Variants in UNC79 observed in about 807,000 individuals in gnomAD.
The protein encoded by UNC79 is protein unc-79 homolog.
In UNC79, 37 loss-of-function variants were observed where a neutral mutation model predicts 283.1. The ratio of observed to expected loss-of-function variants is 0.13; its 90% CI spans 0.10 to 0.17. The LOEUF is 0.17. Among genes scored for constraint, UNC79 ranks in the 10% least tolerant of loss-of-function variants. The pLI is 1.00. For synonymous variants in UNC79, 1,107 were observed against 1,200.2 expected, an observed-to-expected ratio of 0.92 and a Z score of 1.61; for missense variants, 2,272 against 3,211.1, an observed-to-expected ratio of 0.71 and a Z score of 7.07.
rs376318787 is a variant in UNC79, at chr14:93,586,952, C to T, written c.3032+44C>T. ...TTGTTTTGATTGTTTATACATTAGG[C>T]TTTAGTTGTGAAAATTAAAGTTAGA... On this transcript the variant is annotated intron_variant, in intron 22 of 48. Coordinates refer to ENST00000555664, the Ensembl canonical transcript of UNC79. The T allele has an allele frequency of 4.6e-5, 73 of 1,586,756 alleles. No homozygotes were observed. The African/African-American group carries it at 8.7e-4, about 19-fold the overall frequency.
At chr14:93,691,460 A>T in intron 45 of UNC79, 1 of 525,822 alleles carries the variant, frequency 1.9e-6, no homozygotes, top group Non-Finnish European at 3.4e-6. Context: ...TAGGGATGGG[A>T]ATGTCAGTTT....
chr14:93,479,229 T>C (rs942286158), intron 4 of UNC79, among the ~76,000 whole-genome samples: 8 of 111,450 alleles, frequency 7.2e-5, no homozygotes, highest in East Asian at 5.0e-4. Context: ...CCTTCCTTCC[T>C]TTCCTTCCTT....
At chr14:93,518,663 TATA>T (rs2060185304) in intron 7 of UNC79, among the ~76,000 whole-genome samples, 1 of 151,956 alleles carries the variant, frequency 6.6e-6, no homozygotes, top group Admixed American at 6.6e-5. Flanking sequence ...TATTTTCTCA[TATA>T]ATAATTTTTA....
chr14:93,470,278 C>G (rs933183696), intron 2 of UNC79, among the ~76,000 whole-genome samples: 3 of 152,156 alleles, frequency 2.0e-5, no homozygotes, highest in African/African-American at 7.2e-5. Context: ...ATGCATACAA[C>G]TCTCATGATT....
chr14:93,600,435 A>G, intron 24 of UNC79, 134 bp from the exon 25 acceptor site: 6 of 582,854 alleles, frequency 1.0e-5, no homozygotes, highest in Non-Finnish European at 1.5e-5. Flanking sequence ...CAGTGGGATC[A>G]TTCTACATTA....
At chr14:93,563,582 G>T (rs1227592220) in intron 14 of UNC79, among the ~76,000 whole-genome samples, 1 of 152,188 alleles carries the variant, frequency 6.6e-6, no homozygotes, top group South Asian at 2.1e-4. Context: ...CAGAGCAGTA[G>T]CCTCAATGAT....
rs368098334 is a variant in UNC79, at chr14:93,362,509, C to T, written c.-351+28986C>T. Among the ~76,000 whole-genome samples, 21 of 152,046 alleles carry T rather than the reference C, an allele frequency of 1.4e-4. No individual in the cohort carries two copies. In the East Asian group the frequency reaches 1.7e-3, roughly 13 times the overall value. On this transcript the variant is annotated intron_variant, in intron 1 of 49. Transcript: ENST00000256339. ...GATTACAGGTGTGTGCCACCATGCC[C>T]GGCTAAATTTTGTATTTTTAGTAGA...
chr14:93,617,070 C>T lies in UNC79; in HGVS notation c.4042-52C>T, dbSNP rs2066786524. The T allele has an allele frequency of 6.5e-7, 1 of 1,530,088 alleles. No individual in the cohort carries two copies. Among genetic ancestry groups the T allele is most frequent in the Non-Finnish European group, 8.8e-7 (1 of 1,131,194 alleles). The allele number at this position is 1,530,088 out of a possible 1,614,324, so 94.8% of individuals were successfully genotyped here. On this transcript the variant is annotated intron_variant, in intron 27 of 48. Coordinates refer to ENST00000555664, the Ensembl canonical transcript of UNC79. The surrounding 1 kb of genome is among the most constrained non-coding windows in gnomAD (Gnocchi z 4.5). ...TGGCTCAAATTTTTCCTTTTGACCT[C>T]TGAGTGTTCTTTGTAGTTTTCCATC...
intron 1 of UNC79, among the ~76,000 whole-genome samples, chr14:93,377,184 G>C (rs552207510): frequency 6.7e-6 from 1 of 148,426 alleles, no homozygotes; most frequent in East Asian, 2.0e-4. Flanking sequence ...CCACTTCCCA[G>C]GTTCACGCCA....
intron 1 of UNC79, among the ~76,000 whole-genome samples, chr14:93,342,541 C>T (rs1432249037): frequency 6.6e-6 from 1 of 152,230 alleles, no homozygotes; most frequent in Non-Finnish European, 1.5e-5. Context: ...TGGCCATTGA[C>T]ATTTGGCCTC....
At chr14:93,577,712 T>A in intron 17 of UNC79, 130 bp from the exon 18 acceptor site, 1 of 841,572 alleles carries the variant, frequency 1.2e-6, no homozygotes, top group South Asian at 1.7e-5. Context: ...TTGGAGGTAC[T>A]AATGCCATTG....
Position 93,634,720 on chromosome 14 carries a change from A to G in UNC79, c.5717-2496A>G, listed in dbSNP as rs139746703. ...TGTGTCCACTCTGCTCCCTTGTTAAAGAATAGATTTTCTCTCATGTTCTTT... is the reference window on the plus strand; with the variant it reads ...TGTGTCCACTCTGCTCCCTTGTTAAGGAATAGATTTTCTCTCATGTTCTTT... On this transcript the variant is annotated intron_variant, in intron 31 of 48. Coordinates refer to ENST00000555664, the Ensembl canonical transcript of UNC79. The G allele has an allele frequency of 3.9e-6, 5 of 1,266,436 alleles. No homozygotes were observed. The East Asian group carries it at 1.2e-4, about 29-fold the overall frequency. 78.4% of individuals were successfully genotyped at this position (1,266,436 alleles called of 1,614,324 possible).
intron 3 of UNC79, among the ~76,000 whole-genome samples, chr14:93,476,186 A>G (rs1427479970): frequency 2.0e-5 from 3 of 152,068 alleles, no homozygotes; most frequent in Non-Finnish European, 4.4e-5. Flanking sequence ...GAGCCGCTGC[A>G]CTAAGACCGG....
chr14:93,352,248 A>G (rs889379194), intron 1 of UNC79, among the ~76,000 whole-genome samples: 1 of 152,190 alleles, frequency 6.6e-6, no homozygotes, highest in Non-Finnish European at 1.5e-5. Flanking sequence ...TCTTGTATTC[A>G]GTGAGACCTT....
chr14:93,356,011 TCTATTA>T (rs1335376575), intron 1 of UNC79, among the ~76,000 whole-genome samples: 1 of 150,254 alleles, frequency 6.7e-6, no homozygotes, highest in East Asian at 1.9e-4. Flanking sequence ...TCTTCAGGAA[TCTATTA>T]CTAGTGTACT....
chr14:93,690,457 A>C lies in UNC79; in HGVS notation c.7272+154A>C. The C allele has an allele frequency of 1.2e-6, 1 of 845,140 alleles. No individual in the cohort carries two copies. Among genetic ancestry groups the C allele is most frequent in the Non-Finnish European group, 1.7e-6 (1 of 587,702 alleles). 52.4% of individuals were successfully genotyped at this position (845,140 alleles called of 1,614,324 possible). On this transcript the variant is annotated intron_variant, in intron 45 of 48. Coordinates refer to ENST00000555664, the Ensembl canonical transcript of UNC79. This position sits in a 1 kb window ranked among gnomAD's most constrained non-coding sequence, Gnocchi z 4.3. ...CAACTTTGTGCTAATGTCTTATTTAAAGTTGTTTAGATTCCCAGACTGTCT... is the reference window on the plus strand; with the variant it reads ...CAACTTTGTGCTAATGTCTTATTTACAGTTGTTTAGATTCCCAGACTGTCT...
intron 42 of UNC79, among the ~76,000 whole-genome samples, chr14:93,683,144 T>A (rs917173493): frequency 6.6e-5 from 10 of 152,064 alleles, no homozygotes; most frequent in Non-Finnish European, 1.2e-4. Flanking sequence ...TTTTTTTTTT[T>A]AAGGGTTCTT....
chr14:93,622,409 T>C (rs1440717267), exon 30 of UNC79: 1 of 1,614,088 alleles, frequency 6.2e-7, no homozygotes, highest in Admixed American at 1.7e-5. Flanking sequence ...CGCCGAAGGA[T>C]CCTCAAAGCC....
At chr14:93,390,252 T>C (rs1282440443) in intron 1 of UNC79, among the ~76,000 whole-genome samples, 1 of 152,226 alleles carries the variant, frequency 6.6e-6, no homozygotes, top group Non-Finnish European at 1.5e-5. Flanking sequence ...GGCAAACCAT[T>C]TGATAAAAGT....
Sources: allele counts gnomAD v4.1 joint callset (sites outside exome capture counted in the v4.1 genomes callset), GRCh38; gene constraint gnomAD v4.1.1; non-coding constraint Gnocchi (gnomAD v3.1); transcripts MANE v1.5; gene names NCBI Gene and HGNC (gene_info 2026-07-23, HGNC 2026-07-21).